The following NR1H4 variants were observed in gnomAD, a reference collection of about 807,000 sequenced individuals.
The protein encoded by NR1H4 is bile acid receptor.
In NR1H4, 23 loss-of-function variants were observed where a neutral mutation model predicts 58.5. The observed-to-expected ratio is 0.39, with a 90% confidence interval of 0.28 to 0.56. The LOEUF (loss-of-function observed/expected upper bound fraction) is 0.56, where lower values mean the gene tolerates loss of function less well. NR1H4 is among the 20% of genes least tolerant of loss of function. The pLI is 0.58. For synonymous variants in NR1H4, 214 were observed against 198.0 expected, an observed-to-expected ratio of 1.08 and a Z score of -0.68; for missense variants, 487 against 576.9, an observed-to-expected ratio of 0.84 and a Z score of 1.60.
intron 1 of NR1H4, among the ~76,000 whole-genome samples, chr12:100,487,559 T>A (rs1193383231): frequency 6.6e-6 from 1 of 151,856 alleles, no homozygotes; most frequent in East Asian, 1.9e-4. Context: ...TCAGATCTTT[T>A]TCTTTTCTTT....
At chr12:100,536,373 A>G in intron 6 of NR1H4, 139 bp from the exon 7 acceptor site, 2 of 634,906 alleles carry the variant, frequency 3.2e-6, no homozygotes, top group Non-Finnish European at 5.6e-6. Flanking sequence ...ACACTCTCTT[A>G]GAACTCATAG....
rs1390613400 is a variant in NR1H4 at position 100,536,530 on chromosome 12, C to A, written c.751C>A (p.Pro251Thr). The stretch of plus-strand genomic sequence containing the variant: ...AGTGTAGGAGAAAACTGAACTCACC[C>A]CAGATCAACAGACTCTTCTACATTT... ...KSCREKTELT[P>T]DQQTLLHFIM... The change falls in exon 7 of 11, where the codon CCA becomes ACA. Residue 251 changes from proline to threonine, a missense_variant. Physicochemically the swap from Pro to Thr is conservative, Grantham distance 38. Transcript: ENST00000392986. The A allele has an allele frequency of 3.7e-6, 6 of 1,608,492 alleles. No homozygotes were observed. The highest frequency in any genetic ancestry group is 4.3e-6 in the Non-Finnish European group (5 of 1,175,372).
At chr12:100,530,692 A>G (rs1304327173) in intron 4 of NR1H4, among the ~76,000 whole-genome samples, 1 of 152,192 alleles carries the variant, frequency 6.6e-6, no homozygotes, top group Non-Finnish European at 1.5e-5. Flanking sequence ...CCCTACTGCA[A>G]AGGAGAATGT....
chr12:100,509,901 G>A (rs987758080), intron 3 of NR1H4, among the ~76,000 whole-genome samples: 5 of 149,204 alleles, frequency 3.4e-5, no homozygotes, highest in African/African-American at 1.3e-4. Context: ...GTCTTTGCAC[G>A]TGGGCACGTG....
chr12:100,546,323 C>G (rs542946793), intron 9 of NR1H4, among the ~76,000 whole-genome samples: 20 of 152,270 alleles, frequency 1.3e-4, no homozygotes, highest in African/African-American at 4.8e-4. Flanking sequence ...TCCCAAGTAT[C>G]TGTTCCCTCT....
chr12:100,478,116 T>G (rs1001926412), intron 1 of NR1H4, among the ~76,000 whole-genome samples: 10 of 151,974 alleles, frequency 6.6e-5, no homozygotes, highest in African/African-American at 2.4e-4. Context: ...CAGCATAGGT[T>G]CATCGATTGT....
At chr12:100,528,063 G>C (rs1006808099) in intron 4 of NR1H4, among the ~76,000 whole-genome samples, 1 of 152,134 alleles carries the variant, frequency 6.6e-6, no homozygotes, top group Non-Finnish European at 1.5e-5. Flanking sequence ...ACTCACCTCT[G>C]TGTGTTTGCT....
At chr12:100,493,085 T>G (rs1000653579) in intron 2 of NR1H4, among the ~76,000 whole-genome samples, 185 bp from the exon 3 acceptor site, 3 of 152,176 alleles carry the variant, frequency 2.0e-5, no homozygotes. Flanking sequence ...TGGGCATTTT[T>G]AGGTCCAAAT....
rs146730565 is a variant in NR1H4 at position 100,548,223 on chromosome 12, C to T, written c.1078+7405C>T. 0.013 allele frequency among the ~76,000 whole-genome samples: 1,889 copies of T among 150,790 alleles called. 107 individuals carry two copies. In the East Asian group the frequency reaches 0.14, roughly 11 times the overall value. ...TCTACTAAAAATATAAAAAATTAGC[C>T]GGGCATGGTGGCACGCACCTGTAGT... On this transcript the variant is annotated intron_variant, in intron 9 of 10. Transcript: ENST00000392986.
At chr12:100,475,018 G>T (rs1953236172) in intron 1 of NR1H4, among the ~76,000 whole-genome samples, 1 of 152,138 alleles carries the variant, frequency 6.6e-6, no homozygotes, top group Non-Finnish European at 1.5e-5. Context: ...GGTATAGATT[G>T]TGGTGATGAT....
intron 1 of NR1H4, among the ~76,000 whole-genome samples, chr12:100,490,062 A>G (rs1219282683): frequency 6.6e-6 from 1 of 152,188 alleles, no homozygotes; most frequent in African/African-American, 2.4e-5. Context: ...TTTTGTGCCA[A>G]TAGGGCTTAT....
rs184774277 is a variant in NR1H4, at chr12:100,500,082, A to G, written c.79+6680A>G. On this transcript the variant is annotated intron_variant, in intron 3 of 10. Coordinates refer to ENST00000392986, the MANE Select transcript of NR1H4 (RefSeq NM_001206979.2). ...AGAAAAGGAATATTTAGTGATGTTA[A>G]ATAATCTGCTAAACATTCCATAATT... 135 of 385,832 alleles carry G rather than the reference A, an allele frequency of 3.5e-4. No individual in the cohort carries two copies. In the East Asian group the frequency reaches 9.5e-3, roughly 27 times the overall value. 23.9% of individuals were successfully genotyped at this position (385,832 alleles called of 1,614,324 possible).
chr12:100,493,157 T>C, intron 2 of NR1H4, 113 bp from the exon 3 acceptor site: 1 of 624,354 alleles, frequency 1.6e-6, no homozygotes, highest in Non-Finnish European at 2.9e-6. Context: ...GTAAAATGCA[T>C]TCAAAGGGAG....
At chr12:100,547,022 C>G (rs1228424610) in intron 9 of NR1H4, among the ~76,000 whole-genome samples, 1 of 152,140 alleles carries the variant, frequency 6.6e-6, no homozygotes, top group Non-Finnish European at 1.5e-5. Context: ...GACCTCAGTA[C>G]TTTCCATGTA....
chr12:100,544,253 C>CAAA (rs943465011), intron 9 of NR1H4, among the ~76,000 whole-genome samples: 62 of 64,246 alleles, frequency 9.7e-4, no homozygotes, highest in East Asian at 2.3e-3. Context: ...CTCGGTCTCA[C>CAAA]AAAAAAAAAA....
At chr12:100,551,846 A>G (rs1191408213) in intron 9 of NR1H4, among the ~76,000 whole-genome samples, 1 of 152,220 alleles carries the variant, frequency 6.6e-6, no homozygotes, top group Admixed American at 6.5e-5. Flanking sequence ...TTTGTATATA[A>G]CCTATGTACA....
At chr12:100,533,983 G>T (rs925422339) in intron 5 of NR1H4, among the ~76,000 whole-genome samples, 1 of 151,206 alleles carries the variant, frequency 6.6e-6, no homozygotes, top group African/African-American at 2.4e-5. Flanking sequence ...TGCAAGCTCC[G>T]CTTCCCGGGT....
At chr12:100,501,087 C>T (rs1953823370) in intron 3 of NR1H4, among the ~76,000 whole-genome samples, 1 of 151,640 alleles carries the variant, frequency 6.6e-6, no homozygotes, top group Non-Finnish European at 1.5e-5. Context: ...GAATTTCACT[C>T]AGCAACAAGG....
intron 3 of NR1H4, among the ~76,000 whole-genome samples, chr12:100,496,314 G>A (rs1191394851): frequency 6.6e-6 from 1 of 152,160 alleles, no homozygotes; most frequent in East Asian, 1.9e-4. Flanking sequence ...ATAGGGTGAT[G>A]CCCTATAGCC....
Sources: allele counts gnomAD v4.1 joint callset (sites outside exome capture counted in the v4.1 genomes callset), GRCh38; gene constraint gnomAD v4.1.1; transcripts MANE v1.5; gene names NCBI Gene and HGNC (gene_info 2026-07-23, HGNC 2026-07-21).